ZBTB20: variants seen among roughly 807,000 people sequenced by gnomAD.
ZBTB20 encodes the protein zinc finger and BTB domain containing 20.
A neutral mutation model predicts 56.9 loss-of-function variants in ZBTB20; 9 were observed. The observed-to-expected ratio is 0.16, with a 90% CI of 0.10 to 0.28. The LOEUF (loss-of-function observed/expected upper bound fraction) is 0.28, where lower values mean the gene tolerates loss of function less well. Ranked by LOEUF, ZBTB20 falls within the 10% of genes least tolerant of loss-of-function variation. The pLI is 1.00. For missense variants in ZBTB20, 655 were observed against 1,003.0 expected, an observed-to-expected ratio of 0.65 and a Z score of 4.69; for synonymous variants, 417 against 420.7, an observed-to-expected ratio of 0.99 and a Z score of 0.11.
At chr3:114,580,329 C>G (rs2054523154) in intron 6 of ZBTB20, among the ~76,000 whole-genome samples, 1 of 151,520 alleles carries the variant, frequency 6.6e-6, no homozygotes, top group South Asian at 2.1e-4. Context: ...ACTTAGTAAA[C>G]TATAAATAGT....
At chr3:114,340,971 T>C (rs189980895) in intron 11 of ZBTB20, among the ~76,000 whole-genome samples, 1 of 152,316 alleles carries the variant, frequency 6.6e-6, no homozygotes, top group African/African-American at 2.4e-5. Flanking sequence ...GTGCTTACTA[T>C]GAAGCAAGGT....
intron 5 of ZBTB20, among the ~76,000 whole-genome samples, chr3:114,763,738 T>C (rs1479442558): frequency 6.6e-6 from 1 of 152,156 alleles, no homozygotes; most frequent in Non-Finnish European, 1.5e-5. Context: ...AGTGAGGTGA[T>C]GAATATATTA....
At chr3:114,929,118 G>A (rs1460330234) in intron 3 of ZBTB20, among the ~76,000 whole-genome samples, 1 of 152,164 alleles carries the variant, frequency 6.6e-6, no homozygotes, top group Non-Finnish European at 1.5e-5. Flanking sequence ...ATGATAGAGG[G>A]ACACAGAAAG....
chr3:115,063,670 C>T, intron 2 of ZBTB20, among the ~76,000 whole-genome samples: 1 of 151,878 alleles, frequency 6.6e-6, no homozygotes, highest in East Asian at 1.9e-4. Flanking sequence ...CACACACACA[C>T]ACACACACAC....
chr3:114,677,639 G>A (rs1387845287), intron 6 of ZBTB20, among the ~76,000 whole-genome samples: 1 of 152,110 alleles, frequency 6.6e-6, no homozygotes, highest in African/African-American at 2.4e-5. Context: ...GTGGCTGCTG[G>A]CCCAGACAAT....
intron 7 of ZBTB20, among the ~76,000 whole-genome samples, chr3:114,426,685 C>A (rs1479854031): frequency 6.6e-6 from 1 of 152,138 alleles, no homozygotes; most frequent in Non-Finnish European, 1.5e-5. Flanking sequence ...GAACATCTTT[C>A]CTTCATTCAG....
At chr3:114,575,476 A>C (rs989557640) in intron 6 of ZBTB20, among the ~76,000 whole-genome samples, 1 of 152,134 alleles carries the variant, frequency 6.6e-6, no homozygotes, top group African/African-American at 2.4e-5. Context: ...AGCATATTGC[A>C]GATTTTCACT....
At chr3:114,362,380 A>T (rs879782839) in intron 10 of ZBTB20, among the ~76,000 whole-genome samples, 1 of 152,164 alleles carries the variant, frequency 6.6e-6, no homozygotes, top group African/African-American at 2.4e-5. Context: ...ATGTTTCTTT[A>T]TAATGTGTGG....
Position 114,330,638 on chromosome 3 carries a change from A to C in ZBTB20, c.*8367T>G, listed in dbSNP as rs949231539. On this transcript the variant is annotated 3_prime_UTR_variant, in exon 12 of 12. Transcript: ENST00000675478. ...AAAGACAATATACATTTTAAAAAGT[A>C]ATAACGACAAAAAAGTTGCAACTGT... The C allele has an allele frequency of 6.6e-6, 1 of 152,256 alleles. No individual in the cohort carries two copies. The highest frequency in any genetic ancestry group is 2.4e-5 in the African/African-American group (1 of 41,470). The allele number at this position is 152,256 out of a possible 1,614,324, so 9.4% of individuals were successfully genotyped here. A position where few individuals can be genotyped will look rare whatever the true frequency, so the allele number is the denominator to read the frequency against.
rs146636232 is a variant in ZBTB20, at chr3:114,358,438, C to T, written c.200-6560G>A. Among the ~76,000 whole-genome samples, 5 of 152,302 alleles carry T rather than the reference C, an allele frequency of 3.3e-5. No homozygotes were observed. In the East Asian group the frequency reaches 9.6e-4, roughly 29 times the overall value. ...TCTTCACTCCACCAAAAAATAAGAG[C>T]TTTATACTTTATCTAAGGCTGAGAA... On this transcript the variant is annotated intron_variant, in intron 10 of 11. Coordinates refer to ENST00000675478, the MANE Select transcript of ZBTB20 (RefSeq NM_001348800.3).
At chr3:114,636,983 G>A (rs1263034350) in intron 6 of ZBTB20, among the ~76,000 whole-genome samples, 1 of 151,942 alleles carries the variant, frequency 6.6e-6, no homozygotes, top group African/African-American at 2.4e-5. Flanking sequence ...CAAAGTAAAA[G>A]GTGGGAAAAA....
chr3:114,662,098 C>T (rs1017854667), intron 6 of ZBTB20, among the ~76,000 whole-genome samples: 15 of 140,552 alleles, frequency 1.1e-4, no homozygotes, highest in Non-Finnish European at 1.4e-4. Context: ...TATTCCCCTT[C>T]ATGTGTCCAT....
At chr3:114,789,077 A>G (rs2070759727) in intron 5 of ZBTB20, among the ~76,000 whole-genome samples, 2 of 152,164 alleles carry the variant, frequency 1.3e-5, no homozygotes. Context: ...GACAGAGCCA[A>G]ACCATATCAG....
chr3:114,462,257 A>T (rs1685959464), intron 7 of ZBTB20, among the ~76,000 whole-genome samples: 1 of 152,166 alleles, frequency 6.6e-6, no homozygotes, highest in Admixed American at 6.5e-5. Flanking sequence ...GAAGCTCCAG[A>T]TGTCCAATTC....
intron 7 of ZBTB20, among the ~76,000 whole-genome samples, chr3:114,491,341 A>G (rs2042733568): frequency 6.6e-6 from 1 of 152,174 alleles, no homozygotes; most frequent in South Asian, 2.1e-4. Context: ...CACACTGCCA[A>G]GGAGAGTCCT....
chr3:114,961,628 G>A (rs908003692), intron 3 of ZBTB20, among the ~76,000 whole-genome samples: 12 of 152,084 alleles, frequency 7.9e-5, no homozygotes, highest in African/African-American at 2.9e-4. Flanking sequence ...CAGAGTATCT[G>A]TAGTAGTGCA....
At chr3:115,126,269 G>A (rs2084329929) in intron 1 of ZBTB20, among the ~76,000 whole-genome samples, 1 of 152,228 alleles carries the variant, frequency 6.6e-6, no homozygotes, top group South Asian at 2.1e-4. Flanking sequence ...AGTGTAAATG[G>A]CTAATATCAT....
At chr3:114,481,608 C>T (rs971460483) in intron 7 of ZBTB20, among the ~76,000 whole-genome samples, 3 of 152,326 alleles carry the variant, frequency 2.0e-5, no homozygotes, top group Non-Finnish European at 2.9e-5. Flanking sequence ...CGACTCTATG[C>T]GCATCTCCAG....
At chr3:114,591,588 T>C (rs1198044399) in intron 6 of ZBTB20, among the ~76,000 whole-genome samples, 1 of 152,200 alleles carries the variant, frequency 6.6e-6, no homozygotes, top group Non-Finnish European at 1.5e-5. Context: ...AGGTGTTTGG[T>C]GCTAGCTCAC....
Sources: allele counts gnomAD v4.1 joint callset (sites outside exome capture counted in the v4.1 genomes callset), GRCh38; gene constraint gnomAD v4.1.1; transcripts MANE v1.5; gene names NCBI Gene and HGNC (gene_info 2026-07-23, HGNC 2026-07-21).